ENTPD4: variants seen among roughly 807,000 people sequenced by gnomAD.
The protein encoded by ENTPD4 is ectonucleoside triphosphate diphosphohydrolase 4.
A neutral mutation model predicts 79.1 loss-of-function variants in ENTPD4; 60 were observed. That is an observed-to-expected ratio of 0.76 (90% confidence interval 0.62 to 0.94). ENTPD4 has a LOEUF of 0.94. Ranked by LOEUF, ENTPD4 falls within the 40% of genes least tolerant of loss-of-function variation. The probability of loss-of-function intolerance (pLI) is 0.00; values close to 1 mark genes in which losing one functional copy is unlikely to be tolerated. For missense variants in ENTPD4, 772 were observed against 775.1 expected (o/e 1.00, Z 0.05); for synonymous variants, 276 against 292.0 (o/e 0.95, Z 0.56).
chr8:23,451,256 G>A (rs1800856511), intron 1 of ENTPD4, among the ~76,000 whole-genome samples: 1 of 152,078 alleles, frequency 6.6e-6, no homozygotes. Context: ...CCCTGACCCG[G>A]TGATCTGCCG....
chr8:23,449,573 T>A (rs1466509620), intron 2 of ENTPD4, among the ~76,000 whole-genome samples: 3 of 152,222 alleles, frequency 2.0e-5, no homozygotes, highest in Non-Finnish European at 4.4e-5. Context: ...ACAAGACATT[T>A]CTGCAAATAA....
At chr8:23,448,412 A>T (rs566350646) in intron 3 of ENTPD4, among the ~76,000 whole-genome samples, 138 of 152,322 alleles carry the variant, frequency 9.1e-4, no homozygotes, top group South Asian at 8.3e-3. Flanking sequence ...TTGGAGACCT[A>T]ATCACCAATG....
intron 12 of ENTPD4, 95 bp downstream of exon 12, chr8:23,434,222 A>C: frequency 6.7e-7 from 1 of 1,503,030 alleles, no homozygotes; most frequent in Non-Finnish European, 9.1e-7. Context: ...CTCTAACAGC[A>C]ATGCCCCAAA....
Position 23,442,030 on chromosome 8 carries a change from C to T in ENTPD4, c.704G>A (p.Gly235Glu), listed in dbSNP as rs551649240. 62 of 1,613,644 alleles carry T rather than the reference C, an allele frequency of 3.8e-5. No individual in the cohort carries two copies. In the South Asian group the frequency reaches 6.7e-4, roughly 17 times the overall value. The change falls in exon 7 of 13, where the codon GGA becomes GAA. Residue 235 changes from glycine (G) to glutamate (E), a missense_variant. Gly to Glu is a moderately conservative substitution (Grantham distance 98). Transcript: ENST00000358689. The part of the protein sequence containing the change: ...YAWIGINFVL[G>E]RFEHIEDDDE... The stretch of plus-strand genomic sequence containing the variant: ...ACCATCTTCAATATGCTCAAATCGT[C>T]CAAGGACAAAATTAATGCCAATCCA...
chr8:23,452,365 T>C (rs748977137), intron 1 of ENTPD4, among the ~76,000 whole-genome samples: 1 of 152,168 alleles, frequency 6.6e-6, no homozygotes, highest in Non-Finnish European at 1.5e-5. Flanking sequence ...CAGGGAATCA[T>C]AACTCCCCAT....
Position 23,443,059 on chromosome 8 carries a change from C to T in ENTPD4, c.667+791G>A, listed in dbSNP as rs143989801. Among the ~76,000 whole-genome samples the T allele has an allele frequency of 4.4e-3, 664 of 152,198 alleles. 4 individuals carry two copies. Among genetic ancestry groups the T allele is most frequent in the African/African-American group, 0.015 (638 of 41,534 alleles). ...TCTTCTGCCTGGTGTGTGCTTCCTG[C>T]CCCTCCCTCAGAGCCCCACCCTTCC... On this transcript the variant is annotated intron_variant, in intron 6 of 12. Transcript: ENST00000358689.
chr8:23,439,805 A>T lies in ENTPD4; in HGVS notation c.993T>A (p.Asn331Lys). ...TGTCTTCGTATCTCTGTCGAGCAGC[A>T]TTGCCACCAAACCCAAGAAACGTGG... Reference protein sequence around the residue: ...YVATFLGFGGNAARQRYEDRI... With the variant: ...YVATFLGFGGKAARQRYEDRI... Residue 331 changes from asparagine (N) to lysine (K), a missense_variant, in exon 9 of 13, where the codon AAT becomes AAA. Transcript: ENST00000358689. The T allele has an allele frequency of 1.2e-6, 2 of 1,614,220 alleles. No individual in the cohort carries two copies. Among genetic ancestry groups the T allele is most frequent in the Non-Finnish European group, 1.7e-6 (2 of 1,180,024 alleles).
chr8:23,451,923 T>C (rs562063668), intron 1 of ENTPD4, among the ~76,000 whole-genome samples: 86 of 152,332 alleles, frequency 5.6e-4, no homozygotes, highest in African/African-American at 1.8e-3. Flanking sequence ...TCCTTAGCAT[T>C]TATTTATTTA....
chr8:23,430,826 C>A lies in ENTPD4; in HGVS notation c.*2100G>T. 2.0e-6 allele frequency: 2 copies of A among 985,692 alleles called. No homozygotes were observed. Among genetic ancestry groups the A allele is most frequent in the Non-Finnish European group, 2.4e-6 (2 of 830,136 alleles). 61.1% of individuals were successfully genotyped at this position (985,692 alleles called of 1,614,324 possible). Reference sequence around the variant, plus strand: ...CTGACACCAGTGGCTCCATCGCCAGCTCCCTGCAGCCTCCACCAATAATCC... The same window carrying A: ...CTGACACCAGTGGCTCCATCGCCAGATCCCTGCAGCCTCCACCAATAATCC... On this transcript the variant is annotated 3_prime_UTR_variant, in exon 13 of 13. Coordinates refer to ENST00000358689, the MANE Select transcript of ENTPD4 (RefSeq NM_004901.5).
intron 9 of ENTPD4, among the ~76,000 whole-genome samples, 167 bp downstream of exon 9, chr8:23,439,582 C>T (rs1370905585): frequency 6.6e-6 from 1 of 152,190 alleles, no homozygotes. Flanking sequence ...AAGGCAGGAC[C>T]CTGGTGTGCT....
intron 4 of ENTPD4, among the ~76,000 whole-genome samples, chr8:23,447,335 A>C (rs1366860410): frequency 2.6e-5 from 4 of 152,248 alleles, no homozygotes; most frequent in Non-Finnish European, 5.9e-5. Flanking sequence ...GAGTTATCTG[A>C]AATTACCTTG....
Position 23,431,295 on chromosome 8 carries a change from C to T in ENTPD4, c.*1631G>A, listed in dbSNP as rs908387186. ...TAATATCCTCAGTTATCTGTTATAGCAACAACCCCACTTCTGGGTACTAAT... is the reference window on the plus strand; with the variant it reads ...TAATATCCTCAGTTATCTGTTATAGTAACAACCCCACTTCTGGGTACTAAT... On this transcript the variant is annotated 3_prime_UTR_variant, in exon 13 of 13. Coordinates refer to ENST00000358689, the MANE Select transcript of ENTPD4 (RefSeq NM_004901.5). 15 of 964,838 alleles carry T rather than the reference C, an allele frequency of 1.6e-5. No individual in the cohort carries two copies. Among genetic ancestry groups the T allele is most frequent in the Non-Finnish European group, 1.8e-5 (15 of 811,256 alleles). The allele number at this position is 964,838 out of a possible 1,614,324, so 59.8% of individuals were successfully genotyped here.
chr8:23,454,552 G>A (rs1309501014), intron 1 of ENTPD4, among the ~76,000 whole-genome samples: 3 of 152,216 alleles, frequency 2.0e-5, no homozygotes, highest in Admixed American at 6.5e-5. Context: ...GCTCAGAGAA[G>A]AGCACAGAGA....
chr8:23,454,500 A>C (rs1386647847), intron 1 of ENTPD4, among the ~76,000 whole-genome samples: 2 of 152,228 alleles, frequency 1.3e-5, no homozygotes, highest in African/African-American at 4.8e-5. Flanking sequence ...TCAAGATACT[A>C]ATTAAAGGCA....
chr8:23,436,948 T>C lies in ENTPD4; in HGVS notation c.1360A>G (p.Thr454Ala). Residue 454 changes from threonine to alanine, a missense_variant, in exon 10 of 13, where the codon ACT becomes GCT. Thr to Ala is a moderately conservative substitution (Grantham distance 58). Coordinates refer to ENST00000358689, the MANE Select transcript of ENTPD4 (RefSeq NM_004901.5). ...CTCAAGGGTACCTTTGCAGCTTTAG[T>C]AAATTTAGCAGCATTGTAGTCTCCC... Reference protein sequence around the residue: ...MGGDYNAAKFTKAAKDYCATK... With the variant: ...MGGDYNAAKFAKAAKDYCATK... The C allele has an allele frequency of 6.3e-7, 1 of 1,592,484 alleles. No homozygotes were observed. Among genetic ancestry groups the C allele is most frequent in the South Asian group, 1.1e-5 (1 of 87,934 alleles).
intron 4 of ENTPD4, among the ~76,000 whole-genome samples, chr8:23,446,961 C>T (rs968027163): frequency 6.6e-6 from 1 of 152,120 alleles, no homozygotes; most frequent in African/African-American, 2.4e-5. Context: ...TGCTGCATCT[C>T]TATTAAGATC....
In ENTPD4 at chr8:23,430,711, T is replaced by C. The variant is rs1351848553; in HGVS notation, c.*2215A>G. 1 of 985,406 alleles carries C rather than the reference T, an allele frequency of 1.0e-6. No individual in the cohort carries two copies. The allele number at this position is 985,406 out of a possible 1,614,324, so 61.0% of individuals were successfully genotyped here. On this transcript the variant is annotated 3_prime_UTR_variant, in exon 13 of 13. Transcript: ENST00000358689. ...TGACTAACTCTTCTATGCCCAGAGC[T>C]GGAAGGCGGGGTCCCCTAACTCCCT...
At chr8:23,441,459 T>A (rs1367629335) in intron 8 of ENTPD4, 110 bp downstream of exon 8, 1 of 1,515,452 alleles carries the variant, frequency 6.6e-7, no homozygotes, top group Non-Finnish European at 8.8e-7. Context: ...AGGCGGCACC[T>A]CAGCCAGCAC....
chr8:23,435,441 G>A lies in ENTPD4; in HGVS notation c.1411C>T (p.Arg471Cys), dbSNP rs368787139. 3.7e-6 allele frequency: 6 copies of A among 1,613,930 alleles called. No homozygotes were observed. The highest frequency in any genetic ancestry group is 2.2e-5 in the East Asian group (1 of 44,894). ...CATKWSILRE[R>C]FDRGLYASHA... The stretch of plus-strand genomic sequence containing the variant: ...GAGGCGTACAGTCCTCGGTCAAAGC[G>A]TTCCCGCAAAATGGACCACTTTGTT... Residue 471 changes from arginine to cysteine, a missense_variant, in exon 11 of 13, where the codon CGC becomes TGC. Transcript: ENST00000358689.
Sources: gnomAD v4.1 joint callset for allele counts (sites outside exome capture counted in the v4.1 genomes callset) on GRCh38, gnomAD v4.1.1 for gene constraint, MANE v1.5 for transcripts, NCBI Gene and HGNC (gene_info 2026-07-23, HGNC 2026-07-21) for gene names.